MTMR3: variants seen among roughly 807,000 people sequenced by gnomAD.
The protein encoded by MTMR3 is myotubularin related protein 3, also known as phosphatidylinositol-3,5-bisphosphate 3-phosphatase MTMR3.
Under a neutral mutation model 132.4 loss-of-function variants are expected in MTMR3, and 32 were observed. That is an observed-to-expected ratio of 0.24 (90% CI 0.18 to 0.32). The LOEUF is 0.32. Among genes scored for constraint, MTMR3 ranks in the 10% least tolerant of loss-of-function variants. MTMR3 has a pLI of 1.00. For synonymous variants in MTMR3, 556 were observed against 550.3 expected (o/e 1.01, Z -0.14); for missense variants, 1,216 against 1,489.6 (o/e 0.82, Z 3.02).
chr22:29,925,510 C>A (rs1017266160), intron 1 of MTMR3, among the ~76,000 whole-genome samples: 1 of 150,980 alleles, frequency 6.6e-6, no homozygotes, highest in African/African-American at 2.4e-5. Context: ...AAGAAGGAAC[C>A]AGGAGTAAGA....
chr22:29,918,560 G>A (rs1005558726), intron 1 of MTMR3, among the ~76,000 whole-genome samples: 3 of 152,174 alleles, frequency 2.0e-5, no homozygotes, highest in Non-Finnish European at 4.4e-5. Flanking sequence ...TTAGGTTATA[G>A]GCTCTGTAGA....
intron 1 of MTMR3, among the ~76,000 whole-genome samples, chr22:29,951,314 A>G (rs1053634106): frequency 2.0e-5 from 3 of 152,302 alleles, no homozygotes; most frequent in African/African-American, 7.2e-5. Context: ...AAGATATTAT[A>G]TATGGCTGAT....
chr22:30,011,420 T>A (rs2067420816), intron 12 of MTMR3: 1 of 152,342 alleles, frequency 6.6e-6, no homozygotes, highest in South Asian at 2.1e-4. Context: ...TGGAGTGCGG[T>A]GGCCTGATCT....
intron 1 of MTMR3, among the ~76,000 whole-genome samples, chr22:29,911,701 G>T (rs2065217033): frequency 6.6e-6 from 1 of 151,570 alleles, no homozygotes; most frequent in Non-Finnish European, 1.5e-5. Flanking sequence ...TTAATCTCAG[G>T]GTAAACAATA....
chr22:29,904,143 A>AG (rs2065051997), intron 1 of MTMR3, among the ~76,000 whole-genome samples: 1 of 152,218 alleles, frequency 6.6e-6, no homozygotes, highest in Non-Finnish European at 1.5e-5. Context: ...ATTCCAGGAT[A>AG]GGGTTGCCAA....
At chr22:29,979,098 T>G (rs1602613318) in intron 5 of MTMR3, 46 bp downstream of exon 5, 1 of 1,330,988 alleles carries the variant, frequency 7.5e-7, no homozygotes, top group Non-Finnish European at 1.1e-6. Flanking sequence ...ATGGAGAAAG[T>G]AAGTCAAAAA....
chr22:30,023,850 C>T (rs1237956487), intron 19 of MTMR3: 2 of 248,556 alleles, frequency 8.0e-6, no homozygotes, highest in Non-Finnish European at 1.5e-5. Flanking sequence ...CCAGGTCAAA[C>T]AGCATCACTG....
chr22:29,988,746 G>GT (rs547885854), intron 6 of MTMR3, 184 bp downstream of exon 6: 16,107 of 275,252 alleles, frequency 0.059, 95 homozygotes, highest in Middle Eastern at 0.094. Flanking sequence ...GTTGAAAGAT[G>GT]TTTTTTTTTT....
intron 1 of MTMR3, among the ~76,000 whole-genome samples, chr22:29,943,965 AG>A (rs1753235542): frequency 6.6e-6 from 1 of 151,978 alleles, no homozygotes; most frequent in Admixed American, 6.6e-5. Context: ...CTGGGACTAC[AG>A]GTATGCACCA....
chr22:29,895,765 C>G (rs1568993757), intron 1 of MTMR3, among the ~76,000 whole-genome samples: 1 of 152,062 alleles, frequency 6.6e-6, no homozygotes. Flanking sequence ...AGACCAGGAG[C>G]AGACCGCCAA....
rs1376786311 is a variant in MTMR3, at chr22:30,028,739, A to G, written c.*2938A>G. On this transcript the variant is annotated 3_prime_UTR_variant, in exon 20 of 20. Transcript: ENST00000401950. Reference sequence around the variant, plus strand: ...TCTGAATGTACCTTCTACCTAAAGTATACAAACACAAAGAGCCAGCTGAGC... The same window carrying G: ...TCTGAATGTACCTTCTACCTAAAGTGTACAAACACAAAGAGCCAGCTGAGC... 2.0e-5 allele frequency: 3 copies of G among 152,388 alleles called. No homozygotes were observed. The highest frequency in any genetic ancestry group is 6.5e-5 in the Admixed American group (1 of 15,288). 9.4% of individuals were successfully genotyped at this position (152,388 alleles called of 1,614,324 possible).
chr22:29,887,948 G>A (rs2064710962), intron 1 of MTMR3, among the ~76,000 whole-genome samples: 1 of 152,092 alleles, frequency 6.6e-6, no homozygotes, highest in African/African-American at 2.4e-5. Flanking sequence ...ACAACAGATG[G>A]TAGCAAGCTT....
At chr22:29,957,869 T>C (rs2066230725) in intron 2 of MTMR3, among the ~76,000 whole-genome samples, 1 of 152,194 alleles carries the variant, frequency 6.6e-6, no homozygotes, top group South Asian at 2.1e-4. Flanking sequence ...CACTACACAT[T>C]CATATGACTT....
intron 1 of MTMR3, among the ~76,000 whole-genome samples, chr22:29,904,822 G>C (rs200923704): frequency 4.2e-5 from 1 of 23,990 alleles, no homozygotes; most frequent in Non-Finnish European, 1.3e-4. Flanking sequence ...TGTGTGTGTT[G>C]TGTGTGTGTG....
At position 30,013,391 on chromosome 22, in the gene MTMR3, T is replaced by C. The variant is rs1340408356; in HGVS notation, c.1353T>C (p.Asp451=). Reference sequence around the variant, plus strand: ...TCCTCGTGGAAATGGAGTGGCTGGATTTTGGCCATAAATTTGCTGACCGGT... The same window carrying C: ...TCCTCGTGGAAATGGAGTGGCTGGACTTTGGCCATAAATTTGCTGACCGGT... The part of the protein sequence containing the change: ...FQVLVEMEWL[D]FGHKFADRCG... Residue 451 remains aspartate (D), a synonymous_variant, in exon 14 of 20, where the codon GAT becomes GAC. Coordinates refer to ENST00000401950, the MANE Select transcript of MTMR3 (RefSeq NM_021090.4). 1 of 1,613,910 alleles carries C rather than the reference T, an allele frequency of 6.2e-7. No individual in the cohort carries two copies. The highest frequency in any genetic ancestry group is 2.2e-5 in the East Asian group (1 of 44,882).
chr22:29,931,792 T>TTTTTG (rs1555899357), intron 1 of MTMR3, among the ~76,000 whole-genome samples: 2 of 151,750 alleles, frequency 1.3e-5, no homozygotes, highest in African/African-American at 4.8e-5. Context: ...TTTTTTTTTT[T>TTTTTG]TTTTTAAAGC....
chr22:29,888,393 G>A (rs1240259957), intron 1 of MTMR3, among the ~76,000 whole-genome samples: 3 of 152,142 alleles, frequency 2.0e-5, no homozygotes, highest in Admixed American at 6.5e-5. Context: ...CTTTGTCGTC[G>A]TTGTTTGGGG....
At chr22:29,925,197 T>C (rs530020719) in intron 1 of MTMR3, among the ~76,000 whole-genome samples, 32 of 152,334 alleles carry the variant, frequency 2.1e-4, no homozygotes, top group Non-Finnish European at 3.7e-4. Context: ...TATGCCTGGC[T>C]AGTTTTACTG....
At chr22:29,937,156 G>A (rs1324679788) in intron 1 of MTMR3, among the ~76,000 whole-genome samples, 2 of 151,760 alleles carry the variant, frequency 1.3e-5, no homozygotes, top group Non-Finnish European at 2.9e-5. Context: ...GCTTCATTTT[G>A]TCTTGTACTT....
Sources: gnomAD v4.1 joint callset for allele counts (sites outside exome capture counted in the v4.1 genomes callset) on GRCh38, gnomAD v4.1.1 for gene constraint, MANE v1.5 for transcripts, NCBI Gene and HGNC (gene_info 2026-07-23, HGNC 2026-07-21) for gene names.